The following FHOD3 variants were observed in gnomAD, a reference collection of about 807,000 sequenced individuals.
FHOD3 encodes formin homology 2 domain containing 3, also known as FH1/FH2 domain-containing protein 3.
In FHOD3, 90 loss-of-function variants were observed where a neutral mutation model predicts 173.0. The ratio of observed to expected loss-of-function variants is 0.52; its 90% CI spans 0.44 to 0.62. The LOEUF (loss-of-function observed/expected upper bound fraction) is 0.62. Ranked by LOEUF, FHOD3 falls within the 20% of genes least tolerant of loss-of-function variation. The pLI is 0.00. For synonymous variants in FHOD3, 828 were observed against 823.0 expected (o/e 1.01, Z -0.10); for missense variants, 1,945 against 2,034.7 (o/e 0.96, Z 0.85).
At chr18:36,538,779 G>A (rs550358430) in intron 5 of FHOD3, among the ~76,000 whole-genome samples, 1 of 152,314 alleles carries the variant, frequency 6.6e-6, no homozygotes, top group South Asian at 2.1e-4. Context: ...GTGGGAGGTA[G>A]GAATGTGTGT....
intron 5 of FHOD3, among the ~76,000 whole-genome samples, chr18:36,516,664 A>G (rs535495384): frequency 6.6e-6 from 1 of 152,330 alleles, no homozygotes; most frequent in South Asian, 2.1e-4. Flanking sequence ...GGATCACTTG[A>G]GCCTAGGAAT....
At chr18:36,313,836 C>A (rs2092308056) in intron 1 of FHOD3, among the ~76,000 whole-genome samples, 2 of 151,834 alleles carry the variant, frequency 1.3e-5, no homozygotes, top group Admixed American at 1.3e-4. Flanking sequence ...CTTAGCAGGG[C>A]AGTCAGGAGG....
intron 2 of FHOD3, among the ~76,000 whole-genome samples, chr18:36,369,256 G>T (rs898453059): frequency 3.3e-5 from 5 of 152,034 alleles, no homozygotes; most frequent in Non-Finnish European, 7.4e-5. Flanking sequence ...AGAAGCCAAA[G>T]GACTTAGCAA....
chr18:36,340,594 T>TC (rs1555675483), intron 1 of FHOD3, among the ~76,000 whole-genome samples: 43 of 151,404 alleles, frequency 2.8e-4, no homozygotes, highest in African/African-American at 9.4e-4. Flanking sequence ...TTTTTTTTTT[T>TC]CCCTCTGGTT....
intron 25 of FHOD3, among the ~76,000 whole-genome samples, chr18:36,758,705 C>A (rs1400212673): frequency 3.9e-5 from 6 of 152,188 alleles, no homozygotes; most frequent in Non-Finnish European, 5.9e-5. Flanking sequence ...CTTAGAGGGG[C>A]CTTGATGACT....
chr18:36,491,458 G>A (rs2054467817), intron 3 of FHOD3, among the ~76,000 whole-genome samples: 2 of 152,132 alleles, frequency 1.3e-5, no homozygotes, highest in Admixed American at 1.3e-4. Context: ...ACTCTTTATG[G>A]TGTATATTCT....
intron 1 of FHOD3, among the ~76,000 whole-genome samples, chr18:36,338,671 T>C (rs1465777494): frequency 6.6e-6 from 1 of 152,196 alleles, no homozygotes; most frequent in African/African-American, 2.4e-5. Context: ...TGGGTTTTCC[T>C]GGCCAGCAGG....
At chr18:36,327,324 G>T (rs908663053) in intron 1 of FHOD3, among the ~76,000 whole-genome samples, 1 of 152,256 alleles carries the variant, frequency 6.6e-6, no homozygotes, top group Non-Finnish European at 1.5e-5. Flanking sequence ...TCTAGATGAT[G>T]CTTGGAATGC....
At chr18:36,542,870 T>TA (rs1233644153) in intron 5 of FHOD3, among the ~76,000 whole-genome samples, 2 of 152,186 alleles carry the variant, frequency 1.3e-5, no homozygotes. Flanking sequence ...TGGGGTGCAT[T>TA]AGCTCCCTGT....
intron 5 of FHOD3, among the ~76,000 whole-genome samples, chr18:36,555,380 T>C (rs1199100291): frequency 6.6e-6 from 1 of 150,754 alleles, no homozygotes; most frequent in Non-Finnish European, 1.5e-5. Context: ...CTTAATTCCA[T>C]TGTGGTAAAA....
At chr18:36,766,629 C>T (rs902662699) in intron 27 of FHOD3, among the ~76,000 whole-genome samples, 2 of 152,054 alleles carry the variant, frequency 1.3e-5, no homozygotes, top group Non-Finnish European at 1.5e-5. Context: ...CCAAGAGGAG[C>T]GGACATAAAG....
chr18:36,383,950 C>A (rs1168237274), intron 3 of FHOD3, among the ~76,000 whole-genome samples: 1 of 152,192 alleles, frequency 6.6e-6, no homozygotes, highest in Non-Finnish European at 1.5e-5. Context: ...GGTATCTGAA[C>A]CCTTGATGCT....
chr18:36,387,918 G>A (rs1027950719), intron 3 of FHOD3, among the ~76,000 whole-genome samples: 3 of 152,052 alleles, frequency 2.0e-5, no homozygotes, highest in Non-Finnish European at 2.9e-5. Context: ...CCTCTCTTGT[G>A]GAGAGGTTGG....
chr18:36,678,524 C>CA (rs58064190), intron 14 of FHOD3, among the ~76,000 whole-genome samples: 2,262 of 70,918 alleles, frequency 0.032, 63 homozygotes, highest in Admixed American at 0.06. Flanking sequence ...GACCCTGTCT[C>CA]AAAAAAAAAA....
intron 10 of FHOD3, among the ~76,000 whole-genome samples, chr18:36,638,643 A>G (rs1685337856): frequency 6.6e-6 from 1 of 152,184 alleles, no homozygotes; most frequent in South Asian, 2.1e-4. Context: ...AAAATAACCC[A>G]TGTTCAGGTT....
chr18:36,517,245 C>T (rs2056040292), intron 5 of FHOD3, among the ~76,000 whole-genome samples: 1 of 152,074 alleles, frequency 6.6e-6, no homozygotes, highest in Non-Finnish European at 1.5e-5. Context: ...AAATTTTGTA[C>T]CTCACAATTA....
intron 5 of FHOD3, among the ~76,000 whole-genome samples, chr18:36,534,720 G>A (rs1027154965): frequency 2.0e-5 from 3 of 152,124 alleles, no homozygotes; most frequent in Non-Finnish European, 1.5e-5. Flanking sequence ...AGATGTAGAG[G>A]ACTGAATCTG....
chr18:36,573,111 A>G (rs2058512127), intron 5 of FHOD3, among the ~76,000 whole-genome samples: 1 of 151,412 alleles, frequency 6.6e-6, no homozygotes, highest in Non-Finnish European at 1.5e-5. Context: ...TAAAAACAAA[A>G]GCATGTAACA....
chr18:36,597,552 G>A (rs905920088), intron 7 of FHOD3, among the ~76,000 whole-genome samples: 3 of 151,832 alleles, frequency 2.0e-5, no homozygotes, highest in Admixed American at 6.6e-5. Context: ...TCAGCCTCCC[G>A]AGTAGTTGGG....
Sources: gnomAD v4.1 joint callset for allele counts (sites outside exome capture counted in the v4.1 genomes callset) on GRCh38, gnomAD v4.1.1 for gene constraint, MANE v1.5 for transcripts, NCBI Gene and HGNC (gene_info 2026-07-23, HGNC 2026-07-21) for gene names.